Variants in SERGEF observed in about 807,000 individuals in gnomAD.
The protein encoded by SERGEF is secretion regulating guanine nucleotide exchange factor, also known as secretion-regulating guanine nucleotide exchange factor.
In SERGEF, 51 loss-of-function variants were observed where a neutral mutation model predicts 50.0. The observed-to-expected ratio is 1.02, with a 90% CI of 0.81 to 1.29. The LOEUF (loss-of-function observed/expected upper bound fraction) is 1.29. SERGEF is among the 50% of genes most tolerant of loss of function. SERGEF has a pLI of 0.00. For synonymous variants in SERGEF, 205 were observed against 212.4 expected (o/e 0.97, Z 0.30); for missense variants, 521 against 557.0 (o/e 0.94, Z 0.65).
chr11:17,804,176 A>G (rs1271757468), intron 10 of SERGEF, among the ~76,000 whole-genome samples: 1 of 152,244 alleles, frequency 6.6e-6, no homozygotes, highest in Non-Finnish European at 1.5e-5. Flanking sequence ...GTAAACAATC[A>G]GAGTCCTGAT....
chr11:17,829,633 C>CA lies in SERGEF; in HGVS notation c.1049-41221dup, dbSNP rs201367122. ...TCACCAATCCTCTCCCCACACCACCCAAAAAAAAATCCAACAACTACTAAC... is the reference window on the plus strand; with the variant it reads ...TCACCAATCCTCTCCCCACACCACCCAAAAAAAAAATCCAACAACTACTAAC... On this transcript the variant is annotated intron_variant, in intron 10 of 10. Coordinates refer to ENST00000265965, the MANE Select transcript of SERGEF (RefSeq NM_012139.4). Among the ~76,000 whole-genome samples, 14 of 151,008 alleles carry CA rather than the reference C, an allele frequency of 9.3e-5. 1 individual carries two copies. The East Asian group carries it at 9.7e-4, about 10-fold the overall frequency.
intron 2 of SERGEF, among the ~76,000 whole-genome samples, chr11:18,007,596 T>C (rs142235266): frequency 1.9e-3 from 290 of 152,300 alleles, no homozygotes; most frequent in Middle Eastern, 3.4e-3. Context: ...TCAAGGAATA[T>C]CCAATCTAAT....
rs774601153 is a variant in SERGEF at position 17,839,415 on chromosome 11, G to C, written c.1048+38793C>G. 2.0e-5 allele frequency among the ~76,000 whole-genome samples: 3 copies of C among 152,136 alleles called. No individual in the cohort carries two copies. The South Asian group carries it at 6.2e-4, about 32-fold the overall frequency. On this transcript the variant is annotated intron_variant, in intron 10 of 10. Coordinates refer to ENST00000265965, the MANE Select transcript of SERGEF (RefSeq NM_012139.4). Reference sequence around the variant, plus strand: ...TTTAGTAAAGAGTTGGCATGGGAAAGGGACACAGTCAGAATTCTTCCAGGG... The same window carrying C: ...TTTAGTAAAGAGTTGGCATGGGAAACGGACACAGTCAGAATTCTTCCAGGG...
rs554219507 is a variant in SERGEF at position 17,931,912 on chromosome 11, G to C, written c.1011+27558C>G. On this transcript the variant is annotated intron_variant, in intron 9 of 10. Transcript: ENST00000265965. ...GTGATTCTGATGCATGCTGAGGTTT[G>C]AGAGTCACTGCCCTAAAGCATCCAA... Among the ~76,000 whole-genome samples the C allele has an allele frequency of 2.6e-5, 4 of 152,288 alleles. No homozygotes were observed. In the South Asian group the frequency reaches 6.2e-4, roughly 24 times the overall value.
chr11:17,918,227 G>C (rs1852083692), intron 9 of SERGEF, among the ~76,000 whole-genome samples: 1 of 152,200 alleles, frequency 6.6e-6, no homozygotes. Flanking sequence ...CTTCAAAACA[G>C]AGACAGTCCC....
At chr11:17,975,906 G>A (rs1455017717) in intron 8 of SERGEF, among the ~76,000 whole-genome samples, 1 of 152,114 alleles carries the variant, frequency 6.6e-6, no homozygotes, top group African/African-American at 2.4e-5. Context: ...TATTCCTTCT[G>A]TTTGGAATGC....
intron 8 of SERGEF, among the ~76,000 whole-genome samples, chr11:17,964,687 C>T (rs1226063551): frequency 2.0e-5 from 3 of 152,118 alleles, no homozygotes; most frequent in Admixed American, 6.6e-5. Flanking sequence ...CTAGAATATA[C>T]TCATGAAAAG....
chr11:17,801,368 C>G (rs1346035522), intron 10 of SERGEF, among the ~76,000 whole-genome samples: 1 of 152,176 alleles, frequency 6.6e-6, no homozygotes, highest in African/African-American at 2.4e-5. Context: ...ATTACAAAGG[C>G]AAAATGCAGG....
At chr11:17,863,473 T>C (rs960098044) in intron 10 of SERGEF, 3 of 152,244 alleles carry the variant, frequency 2.0e-5, no homozygotes, top group African/African-American at 7.2e-5. Flanking sequence ...CCTTTGCTCA[T>C]GCTTATCCCT....
At chr11:17,923,977 C>T (rs1307787170) in intron 9 of SERGEF, among the ~76,000 whole-genome samples, 1 of 152,168 alleles carries the variant, frequency 6.6e-6, no homozygotes. Context: ...ACTAGCTTTG[C>T]CAAGTCATTT....
At chr11:17,976,582 G>A (rs1050698949) in intron 8 of SERGEF, among the ~76,000 whole-genome samples, 1 of 151,372 alleles carries the variant, frequency 6.6e-6, no homozygotes, top group African/African-American at 2.4e-5. Context: ...TTACATGAGT[G>A]AGCCACCGTG....
intron 1 of SERGEF, 198 bp downstream of exon 1, chr11:18,012,753 T>G: frequency 7.0e-7 from 1 of 1,419,608 alleles, no homozygotes; most frequent in Admixed American, 2.1e-5. Context: ...GGCCCCTAAG[T>G]CGACCGCGAA....
intron 10 of SERGEF, among the ~76,000 whole-genome samples, chr11:17,798,543 C>T (rs544822046): frequency 2.0e-5 from 3 of 152,248 alleles, no homozygotes; most frequent in African/African-American, 4.8e-5. Context: ...GCAGTGAGAG[C>T]GTGCTGTGGC....
chr11:17,947,561 G>A (rs1852686931), intron 9 of SERGEF, among the ~76,000 whole-genome samples: 1 of 152,236 alleles, frequency 6.6e-6, no homozygotes, highest in Non-Finnish European at 1.5e-5. Flanking sequence ...AGGGAGGGAA[G>A]AATGAGCTGT....
At chr11:17,837,912 G>A (rs1216843988) in intron 10 of SERGEF, among the ~76,000 whole-genome samples, 6 of 151,994 alleles carry the variant, frequency 3.9e-5, no homozygotes, top group African/African-American at 7.3e-5. Context: ...TGATTCACCC[G>A]CCTCGGCCTC....
At chr11:17,816,844 C>T (rs1849983265) in intron 10 of SERGEF, among the ~76,000 whole-genome samples, 1 of 152,192 alleles carries the variant, frequency 6.6e-6, no homozygotes, top group Admixed American at 6.5e-5. Context: ...GCTTCCTCTT[C>T]AGGTAATGGG....
intron 8 of SERGEF, among the ~76,000 whole-genome samples, chr11:17,972,526 G>T (rs187229831): frequency 9.8e-5 from 15 of 152,292 alleles, no homozygotes; most frequent in African/African-American, 3.6e-4. Flanking sequence ...ATTAAGATAT[G>T]TACACTGTTT....
At chr11:17,803,219 A>G (rs1470884420) in intron 10 of SERGEF, among the ~76,000 whole-genome samples, 1 of 152,232 alleles carries the variant, frequency 6.6e-6, no homozygotes, top group East Asian at 1.9e-4. Flanking sequence ...TCAGTTATGG[A>G]GGAAGGGAGT....
chr11:18,002,015 G>A (rs1247017496), intron 4 of SERGEF: 1 of 456,320 alleles, frequency 2.2e-6, no homozygotes, highest in East Asian at 6.9e-5. Context: ...CTGAACAGCA[G>A]AAAGGGCTGA....
Sources: allele counts gnomAD v4.1 joint callset (sites outside exome capture counted in the v4.1 genomes callset), GRCh38; gene constraint gnomAD v4.1.1; transcripts MANE v1.5; gene names NCBI Gene and HGNC (gene_info 2026-07-23, HGNC 2026-07-21).